ABCC6: variants seen among roughly 807,000 people sequenced by gnomAD.
ABCC6 encodes ATP-binding cassette sub-family C member 6.
Under a neutral mutation model 169.5 loss-of-function variants are expected in ABCC6, and 126 were observed. The observed-to-expected ratio is 0.74, with a 90% CI of 0.64 to 0.86. The LOEUF (loss-of-function observed/expected upper bound fraction) is 0.86, where lower values mean the gene tolerates loss of function less well. Ranked by LOEUF, ABCC6 falls within the 40% of genes least tolerant of loss-of-function variation. The pLI is 0.00. For synonymous variants in ABCC6, 752 were observed against 814.7 expected (o/e 0.92, Z 1.31); for missense variants, 1,733 against 1,927.2 (o/e 0.90, Z 1.89).
At chr16:16,152,445 T>C (rs2046414425) in intron 29 of ABCC6, among the ~76,000 whole-genome samples, 1 of 151,978 alleles carries the variant, frequency 6.6e-6, no homozygotes, top group Non-Finnish European at 1.5e-5. Context: ...TGCCTGGGTC[T>C]TGTCCCAACC....
In ABCC6 at chr16:16,188,899, G is replaced by C. The variant is rs1428489942; in HGVS notation, c.1711C>G (p.Leu571Val). 2 of 1,614,164 alleles carry C rather than the reference G, an allele frequency of 1.2e-6. No homozygotes were observed. Among genetic ancestry groups the C allele is most frequent in the Admixed American group, 3.3e-5 (2 of 60,026 alleles). Reference sequence around the variant, plus strand: ...TTGTTGAGGATGTTGAGAACTGTGAGAGTCACAAAGGCTTTCTCTGCATTC... The same window carrying C: ...TTGTTGAGGATGTTGAGAACTGTGACAGTCACAAAGGCTTTCTCTGCATTC... Reference protein sequence around the residue: ...AMNAEKAFVTLTVLNILNKAQ... With the variant: ...AMNAEKAFVTVTVLNILNKAQ... The change falls in exon 13 of 31, where the codon CTC (leucine) becomes GTC (valine). Residue 571 changes from leucine (L) to valine (V), a missense_variant. Around this residue, in one of 5 missense-constraint regions of ABCC6, gnomAD observed 1,601 missense variants for 1,635.5 expected, o/e 0.98. Transcript: ENST00000205557.
chr16:16,160,897 T>C (rs1457415693), intron 25 of ABCC6, among the ~76,000 whole-genome samples: 1 of 152,090 alleles, frequency 6.6e-6, no homozygotes, highest in Non-Finnish European at 1.5e-5. Context: ...AGTGTATATA[T>C]ATATTTTTTT....
chr16:16,176,924 C>T (rs1336307125), intron 19 of ABCC6, among the ~76,000 whole-genome samples: 2 of 152,218 alleles, frequency 1.3e-5, no homozygotes, highest in Non-Finnish European at 2.9e-5. Context: ...ACTTTTCAGT[C>T]ATTGTGAGTG....
In ABCC6 at chr16:16,155,308, T is replaced by G. The variant is rs2046516247; in HGVS notation, c.3883-277A>C. On this transcript the variant is annotated intron_variant, in intron 27 of 30. Coordinates refer to ENST00000205557, the MANE Select transcript of ABCC6 (RefSeq NM_001171.6). ...TTAGTTCCTCCATCTTTCCTCATCC[T>G]TCTATTTACACCTCTCCATCATCTC... 4 of 565,178 alleles carry G rather than the reference T, an allele frequency of 7.1e-6. No homozygotes were observed. In the East Asian group the frequency reaches 1.2e-4, roughly 17 times the overall value. The allele number at this position is 565,178 out of a possible 1,614,324, so 35.0% of individuals were successfully genotyped here. A position where few individuals can be genotyped will look rare whatever the true frequency, so the allele number is the denominator to read the frequency against.
Position 16,159,536 on chromosome 16 carries a change from C to A in ABCC6, c.3681G>T (p.Glu1227Asp). 1 of 1,614,182 alleles carries A rather than the reference C, an allele frequency of 6.2e-7. No homozygotes were observed. Among genetic ancestry groups the A allele is most frequent in the Non-Finnish European group, 8.5e-7 (1 of 1,180,036 alleles). The change falls in exon 26 of 31, where the codon GAG becomes GAT. Residue 1227 changes from glutamate to aspartate, a missense_variant. Physicochemically the swap from Glu to Asp is conservative, Grantham distance 45. Transcript: ENST00000205557. ...QWVVRNWTDLENSIVSVERMQ... is the reference protein window; with the variant it reads ...QWVVRNWTDLDNSIVSVERMQ... Reference sequence around the variant, plus strand: ...TCCGCTCCACTGACACGATGCTGTTCTCTAGGTCTGTCCAGTTGCGAACAA... The same window carrying A: ...TCCGCTCCACTGACACGATGCTGTTATCTAGGTCTGTCCAGTTGCGAACAA...
intron 21 of ABCC6, among the ~76,000 whole-genome samples, chr16:16,172,131 GATGGGATGCATAAATGAGT>G (rs2047115226): frequency 1.3e-4 from 12 of 93,666 alleles, no homozygotes; most frequent in Non-Finnish European, 1.9e-4. Context: ...TAAATGAATG[GATGGGATGCATAAATGAGT>G]GAGTGGGATG....
At chr16:16,199,281 G>C (rs1372994787) in intron 9 of ABCC6, among the ~76,000 whole-genome samples, 1 of 145,608 alleles carries the variant, frequency 6.9e-6, no homozygotes, top group Non-Finnish European at 1.5e-5. Context: ...GTATTAGAGT[G>C]AAAAAAAAAT....
At chr16:16,191,792 C>G (rs974492419) in intron 11 of ABCC6, among the ~76,000 whole-genome samples, 1 of 151,362 alleles carries the variant, frequency 6.6e-6, no homozygotes, top group Non-Finnish European at 1.5e-5. Flanking sequence ...CCTTCCCCTC[C>G]CTCCTTCCTC....
intron 29 of ABCC6, among the ~76,000 whole-genome samples, chr16:16,152,556 T>TC (rs1567462685): frequency 6.6e-6 from 1 of 151,596 alleles, no homozygotes; most frequent in African/African-American, 2.4e-5. Context: ...CTAAAATGAG[T>TC]ATTTACTCTT....
At chr16:16,163,222 G>C in intron 23 of ABCC6, 30 bp from the exon 24 acceptor site, 1 of 1,604,534 alleles carries the variant, frequency 6.2e-7, no homozygotes, top group South Asian at 1.1e-5. Context: ...GAGGGAAGAG[G>C]AGAAGCCACA....
At chr16:16,197,192 G>A (rs2152277198) in intron 10 of ABCC6, among the ~76,000 whole-genome samples, 1 of 152,132 alleles carries the variant, frequency 6.6e-6, no homozygotes, top group Middle Eastern at 3.4e-3. Flanking sequence ...TGGTGCCTCA[G>A]GGTTACTGGT....
At chr16:16,165,514 C>T in intron 23 of ABCC6, 109 bp downstream of exon 23, 4 of 1,202,198 alleles carry the variant, frequency 3.3e-6, no homozygotes, top group East Asian at 2.4e-5. Context: ...AGGAACAGCC[C>T]CTAGATGTCC....
chr16:16,192,679 G>A (rs918569377), intron 11 of ABCC6, 151 bp downstream of exon 11: 2 of 721,150 alleles, frequency 2.8e-6, no homozygotes, highest in Middle Eastern at 3.2e-4. Flanking sequence ...GGGAGGGGGT[G>A]CAGGTCTGAG....
In ABCC6 at chr16:16,182,528, C is replaced by T. The variant is rs200800189; in HGVS notation, c.2131G>A (p.Val711Met). Residue 711 changes from valine to methionine, a missense_variant, in exon 17 of 31, where the codon GTG (valine) becomes ATG (methionine). Around this residue, in one of 5 missense-constraint regions of ABCC6, gnomAD observed 1,601 missense variants for 1,635.5 expected, o/e 0.98. Transcript: ENST00000205557. ...GGGTCCAGCTCCTGCCCGAAGCACA[C>T]ATTCTCTACCACAGAGGTGTTCTGC... ...WVQNTSVVEN[V>M]CFGQELDPPW... is the part of the protein sequence containing the mutation. 73 of 1,614,228 alleles carry T rather than the reference C, an allele frequency of 4.5e-5. 2 individuals are homozygous for T. In the Middle Eastern group the frequency reaches 4.9e-4, roughly 11 times the overall value.
chr16:16,187,345 C>A, intron 13 of ABCC6, 134 bp from the exon 14 acceptor site: 1 of 753,024 alleles, frequency 1.3e-6, no homozygotes. Context: ...GAGGACAAAG[C>A]TTTCTAGTTC....
rs771629401 is a variant in ABCC6, at chr16:16,203,490, C to T, written c.918G>A (p.Val306=). The T allele has an allele frequency of 1.2e-6, 2 of 1,614,032 alleles. No individual in the cohort carries two copies. The highest frequency in any genetic ancestry group is 1.7e-6 in the Non-Finnish European group (2 of 1,179,878). Residue 306 remains valine (V), a synonymous_variant, in exon 8 of 31, where the codon GTG becomes GTA. Coordinates refer to ENST00000205557, the MANE Select transcript of ABCC6 (RefSeq NM_001171.6). The part of the protein sequence containing the change: ...WRPLLKAIWQ[V]FHSTFLLGTL... ...TCCCCAGGAGGAAGGTAGAATGGAA[C>T]ACCTGCCAGATGGCCTTCAGCAGTG...
At chr16:16,157,315 A>G (rs998097795) in intron 27 of ABCC6, among the ~76,000 whole-genome samples, 1 of 152,192 alleles carries the variant, frequency 6.6e-6, no homozygotes, top group African/African-American at 2.4e-5. Context: ...GCTTTTCCCA[A>G]TGTCTCCCAG....
intron 10 of ABCC6, among the ~76,000 whole-genome samples, chr16:16,194,302 T>C (rs2047962932): frequency 6.6e-6 from 1 of 152,258 alleles, no homozygotes; most frequent in Non-Finnish European, 1.5e-5. Context: ...TAAATCATCA[T>C]ACAGAATGCC....
rs115540099 is a variant in ABCC6, at chr16:16,159,835, C to T, written c.3634-252G>A. Among the ~76,000 whole-genome samples the T allele has an allele frequency of 2.3e-3, 347 of 152,306 alleles. 2 individuals carry two copies. The highest frequency in any genetic ancestry group is 7.3e-3 in the African/African-American group (305 of 41,568). ...GCCCTCAGACATCAGCTTGTACAAA[C>T]TGGCTTGATGCAGGTGAGTAGACAG... On this transcript the variant is annotated intron_variant, in intron 25 of 30. Coordinates refer to ENST00000205557, the MANE Select transcript of ABCC6 (RefSeq NM_001171.6).
Sources: gnomAD v4.1 joint callset for allele counts (sites outside exome capture counted in the v4.1 genomes callset) on GRCh38, gnomAD v4.1.1 for gene constraint, gnomAD v4.1.1 regional missense constraint, MANE v1.5 for transcripts, NCBI Gene and HGNC (gene_info 2026-07-23, HGNC 2026-07-21) for gene names.